ROBO1: variants seen among roughly 807,000 people sequenced by gnomAD.
The protein encoded by ROBO1 is roundabout guidance receptor 1, also known as roundabout homolog 1.
In ROBO1, 149 loss-of-function variants were observed where a neutral mutation model predicts 195.9. The ratio of observed to expected loss-of-function variants is 0.76; its 90% CI spans 0.67 to 0.87. ROBO1 has a LOEUF of 0.87. ROBO1 is among the 40% of genes least tolerant of loss of function. The pLI is 0.00. For missense variants in ROBO1, 1,933 were observed against 2,068.3 expected (o/e 0.93, Z 1.27); for synonymous variants, 816 against 733.2 (o/e 1.11, Z -1.82).
chr3:78,938,826 C>T lies in ROBO1; in HGVS notation c.274G>A (p.Glu92Lys). ...TCAATAGTGGGTGTGGGGCGGCCTT[C>T]AGCTTTGCAGTTCAAAGTTGCAGGT... Reference protein sequence around the residue: ...GEPATLNCKAEGRPTPTIEWY... With the variant: ...GEPATLNCKAKGRPTPTIEWY... Residue 92 changes from glutamate to lysine, a missense_variant, in exon 4 of 31, where the codon GAA becomes AAA. This residue lies in a region of ROBO1 where 185 missense variants were observed against 159.5 expected (regional missense o/e 1.16). Transcript: ENST00000464233. 6.2e-7 allele frequency: 1 copy of T among 1,613,994 alleles called. No individual in the cohort carries two copies. Among genetic ancestry groups the T allele is most frequent in the Non-Finnish European group, 8.5e-7 (1 of 1,179,904 alleles).
intron 3 of ROBO1, among the ~76,000 whole-genome samples, chr3:79,029,906 A>T (rs1303041374): frequency 6.6e-6 from 1 of 152,204 alleles, no homozygotes; most frequent in African/African-American, 2.4e-5. Flanking sequence ...TCTCTTCTGT[A>T]CATCTTGTAA....
chr3:79,461,140 A>C (rs924288062), intron 2 of ROBO1, among the ~76,000 whole-genome samples: 9 of 152,154 alleles, frequency 5.9e-5, no homozygotes, highest in African/African-American at 2.2e-4. Flanking sequence ...CATCAAGCTA[A>C]GTTGTAACCA....
intron 2 of ROBO1, among the ~76,000 whole-genome samples, chr3:79,482,392 C>T (rs752644622): frequency 1.1e-4 from 16 of 152,066 alleles, no homozygotes; most frequent in Non-Finnish European, 1.9e-4. Context: ...GCAGTTTCCC[C>T]CATACTGTTC....
At chr3:78,852,653 A>C (rs1028469218) in intron 4 of ROBO1, among the ~76,000 whole-genome samples, 4 of 152,206 alleles carry the variant, frequency 2.6e-5, no homozygotes, top group Admixed American at 2.6e-4. Flanking sequence ...CAAAGGATTT[A>C]GGCAGGGATC....
At chr3:79,220,913 G>T (rs2082126567) in intron 2 of ROBO1, among the ~76,000 whole-genome samples, 1 of 151,898 alleles carries the variant, frequency 6.6e-6, no homozygotes, top group Non-Finnish European at 1.5e-5. Context: ...TACACTGTAG[G>T]ATGTTTAGCA....
chr3:79,100,998 T>G (rs1386610152), intron 3 of ROBO1, among the ~76,000 whole-genome samples: 1 of 151,804 alleles, frequency 6.6e-6, no homozygotes, highest in Non-Finnish European at 1.5e-5. Flanking sequence ...GGTGGTGTTT[T>G]TTTCCTTAAT....
chr3:79,497,017 A>G (rs1939784245), intron 2 of ROBO1, among the ~76,000 whole-genome samples: 1 of 152,346 alleles, frequency 6.6e-6, no homozygotes, highest in Non-Finnish European at 1.5e-5. Flanking sequence ...TCGCTGTCTC[A>G]GGGACAACTA....
intron 4 of ROBO1, among the ~76,000 whole-genome samples, chr3:78,884,634 AGAAAGAAAGAAAGAAAGGAAGG>A: frequency 1.3e-5 from 1 of 76,344 alleles, no homozygotes; most frequent in African/African-American, 7.1e-5. Context: ...AGAAAGAAAG[AGAAAGAAAGAAAGAAAGGAAGG>A]AAGGAAGGAA....
At chr3:78,768,615 T>C (rs935290656) in intron 4 of ROBO1, among the ~76,000 whole-genome samples, 7 of 151,872 alleles carry the variant, frequency 4.6e-5, no homozygotes, top group Non-Finnish European at 1.0e-4. Flanking sequence ...GACATGTACA[T>C]ATATATTGTT....
chr3:79,087,088 A>C (rs1326518588), intron 3 of ROBO1, among the ~76,000 whole-genome samples: 1 of 152,106 alleles, frequency 6.6e-6, no homozygotes, highest in Non-Finnish European at 1.5e-5. Context: ...CAATATTTTT[A>C]TTGAAAAGTG....
At chr3:79,308,919 T>C (rs1202580425) in intron 2 of ROBO1, among the ~76,000 whole-genome samples, 18 of 152,198 alleles carry the variant, frequency 1.2e-4, no homozygotes, top group Non-Finnish European at 1.5e-5. Context: ...TTCAAAGTTA[T>C]CTGTTTGTAC....
At chr3:79,437,585 T>C (rs371065963) in intron 2 of ROBO1, among the ~76,000 whole-genome samples, 1 of 151,916 alleles carries the variant, frequency 6.6e-6, no homozygotes, top group Non-Finnish European at 1.5e-5. Flanking sequence ...ATTAATACAA[T>C]GAAATATTAT....
intron 2 of ROBO1, among the ~76,000 whole-genome samples, chr3:79,405,928 A>T (rs889327089): frequency 2.0e-5 from 3 of 152,190 alleles, no homozygotes; most frequent in Middle Eastern, 3.2e-3. Context: ...ACTGTTTTGC[A>T]GTATTAAGTT....
intron 4 of ROBO1, among the ~76,000 whole-genome samples, chr3:78,886,567 C>T (rs1036837422): frequency 3.8e-4 from 58 of 151,962 alleles, no homozygotes; most frequent in Non-Finnish European, 5.6e-4. Flanking sequence ...GCACTCCAGC[C>T]TGGGTGACAG....
At chr3:79,415,862 T>C (rs1021090525) in intron 2 of ROBO1, among the ~76,000 whole-genome samples, 6 of 152,112 alleles carry the variant, frequency 3.9e-5, no homozygotes, top group South Asian at 2.1e-4. Flanking sequence ...GAATTACACA[T>C]AGAAAGTGGG....
At chr3:79,138,253 G>C (rs1477478709) in intron 2 of ROBO1, among the ~76,000 whole-genome samples, 10 of 151,972 alleles carry the variant, frequency 6.6e-5, no homozygotes, top group African/African-American at 2.4e-4. Context: ...CCTATGCCTA[G>C]CCTTAACACA....
intron 2 of ROBO1, among the ~76,000 whole-genome samples, chr3:79,379,289 G>A (rs145370037): frequency 2.0e-4 from 30 of 152,256 alleles, no homozygotes; most frequent in African/African-American, 7.2e-4. Context: ...ATGTTTTCAC[G>A]GCCAGCAGAG....
intron 1 of ROBO1, among the ~76,000 whole-genome samples, chr3:79,596,171 A>T (rs943466562): frequency 1.3e-5 from 2 of 152,092 alleles, no homozygotes; most frequent in African/African-American, 2.4e-5. Context: ...AAAATTAAGA[A>T]TGCAAAGTTT....
intron 1 of ROBO1, among the ~76,000 whole-genome samples, chr3:79,737,433 AATTT>A (rs1180120876): frequency 6.6e-6 from 1 of 152,192 alleles, no homozygotes; most frequent in Non-Finnish European, 1.5e-5. Flanking sequence ...GACAAAAATT[AATTT>A]ATTCATATGT....
Sources: allele counts gnomAD v4.1 joint callset (sites outside exome capture counted in the v4.1 genomes callset), GRCh38; gene constraint gnomAD v4.1.1; regional missense constraint gnomAD v4.1.1; transcripts MANE v1.5; gene names NCBI Gene and HGNC (gene_info 2026-07-23, HGNC 2026-07-21).